The following BICC1 variants were observed in gnomAD, a reference collection of about 807,000 sequenced individuals.
The protein encoded by BICC1 is BicC family RNA binding protein 1, also known as protein bicaudal C homolog 1.
Under a neutral mutation model 111.0 loss-of-function variants are expected in BICC1, and 43 were observed. The observed-to-expected ratio is 0.39, with a 90% confidence interval of 0.30 to 0.50. The LOEUF is 0.50. Ranked by LOEUF, BICC1 falls within the 20% of genes least tolerant of loss-of-function variation. The pLI is 0.88. For synonymous variants in BICC1, 467 were observed against 434.4 expected (o/e 1.07, Z -0.93); for missense variants, 1,091 against 1,203.2 (o/e 0.91, Z 1.38).
chr10:58,829,097 T>C lies in BICC1; in HGVS notation c.*206T>C. The stretch of plus-strand genomic sequence containing the variant: ...GTCATACAGAACACCAAATATGGAT[T>C]ACTTTTTTAAAATGGCAGTTGGACA... On this transcript the variant is annotated 3_prime_UTR_variant, in exon 21 of 21. Transcript: ENST00000373886. 2.0e-6 allele frequency: 1 copy of C among 490,120 alleles called. No homozygotes were observed. The highest frequency in any genetic ancestry group is 2.0e-5 in the African/African-American group (1 of 50,632). 30.4% of individuals were successfully genotyped at this position (490,120 alleles called of 1,614,324 possible). A position where few individuals can be genotyped will look rare whatever the true frequency, so the allele number is the denominator to read the frequency against.
rs76691716 is a variant in BICC1, at chr10:58,534,731, G to A, written c.190+21398G>A. Among the ~76,000 whole-genome samples the A allele has an allele frequency of 8.6e-5, 13 of 151,476 alleles. No individual in the cohort carries two copies. In the Admixed American group the frequency reaches 8.6e-4, roughly 10 times the overall value. ...AAAACACACTAACTCTCCAGCAGTG[G>A]ATTCAAACCAAGATTAAATCTTTGA... On this transcript the variant is annotated intron_variant, in intron 1 of 20. Transcript: ENST00000373886.
intron 1 of BICC1, among the ~76,000 whole-genome samples, chr10:58,543,383 G>A (rs1160293061): frequency 6.6e-6 from 1 of 152,108 alleles, no homozygotes; most frequent in African/African-American, 2.4e-5. Context: ...GAGTTGTTTA[G>A]TGGTTATAGA....
intron 1 of BICC1, among the ~76,000 whole-genome samples, chr10:58,525,570 G>A (rs1307627232): frequency 8.6e-6 from 1 of 116,716 alleles, no homozygotes; most frequent in Non-Finnish European, 1.7e-5. Flanking sequence ...TGTGGGGTGG[G>A]GGGAGGGGGG....
intron 2 of BICC1, among the ~76,000 whole-genome samples, chr10:58,670,381 C>T (rs1035149760): frequency 6.6e-6 from 1 of 152,092 alleles, no homozygotes; most frequent in Non-Finnish European, 1.5e-5. Context: ...CACCCAAACT[C>T]CTATGACGAT....
intron 1 of BICC1, among the ~76,000 whole-genome samples, chr10:58,597,313 A>C (rs1385068369): frequency 6.6e-6 from 1 of 152,098 alleles, no homozygotes. Flanking sequence ...GTAGGTACAA[A>C]GATCACATGC....
At chr10:58,530,656 A>G (rs560350237) in intron 1 of BICC1, among the ~76,000 whole-genome samples, 56 of 147,822 alleles carry the variant, frequency 3.8e-4, no homozygotes, top group African/African-American at 1.4e-3. Flanking sequence ...TTGTGTGTCC[A>G]GTACAATGTC....
chr10:58,745,602 G>GCCCCC (rs35346412), intron 3 of BICC1, among the ~76,000 whole-genome samples: 32 of 78,718 alleles, frequency 4.1e-4, no homozygotes, highest in African/African-American at 1.1e-3. Flanking sequence ...GCCCCCCACC[G>GCCCCC]CCCCCCCCCC....
At chr10:58,779,911 A>G (rs563971776) in intron 3 of BICC1, among the ~76,000 whole-genome samples, 9 of 152,258 alleles carry the variant, frequency 5.9e-5, no homozygotes, top group African/African-American at 2.2e-4. Context: ...TTTTTTTCAC[A>G]AAATTGTAAG....
At chr10:58,721,378 G>A (rs1028642051) in intron 3 of BICC1, among the ~76,000 whole-genome samples, 4 of 152,260 alleles carry the variant, frequency 2.6e-5, no homozygotes, top group Admixed American at 2.0e-4. Flanking sequence ...ACTAAGATGG[G>A]TATCTTGGAT....
intron 2 of BICC1, among the ~76,000 whole-genome samples, chr10:58,664,714 T>G (rs1318659526): frequency 2.0e-5 from 3 of 152,158 alleles, no homozygotes; most frequent in Non-Finnish European, 4.4e-5. Context: ...CCCTCCACTT[T>G]TGTGTCTTGT....
chr10:58,754,773 T>TGTGC (rs1361720202), intron 3 of BICC1, among the ~76,000 whole-genome samples: 7 of 151,628 alleles, frequency 4.6e-5, no homozygotes, highest in Non-Finnish European at 8.8e-5. Flanking sequence ...TGTGTGTGTG[T>TGTGC]GTGTGTGTGT....
At chr10:58,770,725 G>C (rs1447757868) in intron 3 of BICC1, among the ~76,000 whole-genome samples, 1 of 152,160 alleles carries the variant, frequency 6.6e-6, no homozygotes, top group East Asian at 1.9e-4. Flanking sequence ...CTGAACACCA[G>C]TTGATATGAG....
chr10:58,799,011 T>C (rs1843449188), intron 11 of BICC1, 45 bp from the exon 12 acceptor site: 2 of 1,343,634 alleles, frequency 1.5e-6, no homozygotes, highest in Non-Finnish European at 2.0e-6. Context: ...AATAGTTGAA[T>C]CTGAGTTTCT....
At chr10:58,653,811 C>T (rs1033393427) in intron 2 of BICC1, among the ~76,000 whole-genome samples, 4 of 142,678 alleles carry the variant, frequency 2.8e-5, no homozygotes, top group Non-Finnish European at 4.6e-5. Flanking sequence ...AGGTATATCT[C>T]CCAATGCTAT....
intron 16 of BICC1, 124 bp from the exon 17 acceptor site, chr10:58,806,880 T>C (rs933143332): frequency 1.0e-5 from 9 of 896,312 alleles, no homozygotes; most frequent in Non-Finnish European, 1.3e-5. Flanking sequence ...AGACATTTTG[T>C]GTTAAGAAAT....
At chr10:58,664,544 C>T (rs10826213) in intron 2 of BICC1, among the ~76,000 whole-genome samples, 38,497 of 151,976 alleles carry the variant, frequency 0.25, 6,157 homozygotes, top group African/African-American at 0.46. Context: ...TAAAATTTCC[C>T]TTTCTATACA....
chr10:58,719,587 A>G (rs1226911517), intron 3 of BICC1, among the ~76,000 whole-genome samples: 1 of 152,018 alleles, frequency 6.6e-6, no homozygotes, highest in Non-Finnish European at 1.5e-5. Context: ...GCTCACTGCA[A>G]GCTCCGCCTC....
At chr10:58,638,776 G>A (rs1196519017) in intron 2 of BICC1, among the ~76,000 whole-genome samples, 2 of 152,132 alleles carry the variant, frequency 1.3e-5, no homozygotes, top group Non-Finnish European at 2.9e-5. Flanking sequence ...AAGGCCTCTG[G>A]TTCCGTTATT....
intron 3 of BICC1, among the ~76,000 whole-genome samples, chr10:58,762,936 T>C (rs1376659604): frequency 6.6e-6 from 1 of 152,194 alleles, no homozygotes; most frequent in Non-Finnish European, 1.5e-5. Flanking sequence ...TCCACCTGTG[T>C]TGGTTAGACT....
Sources: gnomAD v4.1 joint callset for allele counts (sites outside exome capture counted in the v4.1 genomes callset) on GRCh38, gnomAD v4.1.1 for gene constraint, MANE v1.5 for transcripts, NCBI Gene and HGNC (gene_info 2026-07-23, HGNC 2026-07-21) for gene names.